SGTA: variants seen among roughly 807,000 people sequenced by gnomAD.
SGTA encodes the protein small glutamine-rich tetratricopeptide repeat-containing protein alpha.
Under a neutral mutation model 44.3 loss-of-function variants are expected in SGTA, and 22 were observed. The observed-to-expected ratio is 0.50, with a 90% CI of 0.36 to 0.71. The LOEUF is 0.71. Among genes scored for constraint, SGTA ranks in the 30% least tolerant of loss-of-function variants. SGTA has a pLI of 0.00. For synonymous variants in SGTA, 174 were observed against 177.6 expected (o/e 0.98, Z 0.16); for missense variants, 341 against 435.9 (o/e 0.78, Z 1.94).
Position 2,765,987 on chromosome 19 carries a change from C to T in SGTA, c.293-702G>A, listed in dbSNP as rs778203254. ...TAATCCCAGCACTTTGGGAGGCCGA[C>T]GCAGGCGGATCGCAAGATCAGGAGA... is the stretch of plus-strand genomic sequence containing the variant. On this transcript the variant is annotated intron_variant, in intron 4 of 11. Transcript: ENST00000221566. The surrounding 1 kb of genome is among the most constrained non-coding windows in gnomAD (Gnocchi z 5.5). 8.5e-5 allele frequency among the ~76,000 whole-genome samples: 13 copies of T among 152,116 alleles called. No individual in the cohort carries two copies. The highest frequency in any genetic ancestry group is 1.3e-4 in the Non-Finnish European group (9 of 68,028).
rs917745190 is a variant in SGTA, at chr19:2,767,066, C to T, written c.292+70G>A. 28 of 1,187,892 alleles carry T rather than the reference C, an allele frequency of 2.4e-5. No homozygotes were observed. Among genetic ancestry groups the T allele is most frequent in the Non-Finnish European group, 3.3e-5 (27 of 813,398 alleles). The allele number at this position is 1,187,892 out of a possible 1,614,324, so 73.6% of individuals were successfully genotyped here. A position where few individuals can be genotyped will look rare whatever the true frequency, so the allele number is the denominator to read the frequency against. ...CTGGGCCCCAGGGACCAGCTGGCCTCTGCGAGGGTCCCACAGCCCCGGAGT... is the reference window on the plus strand; with the variant it reads ...CTGGGCCCCAGGGACCAGCTGGCCTTTGCGAGGGTCCCACAGCCCCGGAGT... On this transcript the variant is annotated intron_variant, in intron 4 of 11. Transcript: ENST00000221566. This position sits in a 1 kb window ranked among gnomAD's most constrained non-coding sequence, Gnocchi z 7.3.
chr19:2,765,280 C>A lies in SGTA; in HGVS notation c.298G>T (p.Glu100Ter). 1 of 1,609,114 alleles carries A rather than the reference C, an allele frequency of 6.2e-7. No homozygotes were observed. Among genetic ancestry groups the A allele is most frequent in the South Asian group, 1.1e-5 (1 of 90,968 alleles). ...TCAAAGTTTTCCACTTTCATCTGCT[C>A]GTTTCCTACAGGGAGAGAGGAAAAC... Reference protein sequence around the residue: ...EAERLKTEGNEQMKVENFEAA... With the variant: ...EAERLKTEGN Residue 100 changes from glutamate to a stop codon, truncating the protein, a stop_gained, in exon 5 of 12, where the codon GAG (glutamate) becomes TAG (stop). Transcript: ENST00000221566. LOFTEE classifies it high-confidence loss of function. This position sits in a 1 kb window ranked among gnomAD's most constrained non-coding sequence, Gnocchi z 5.5.
rs1314595538 is a variant in SGTA at position 2,767,392 on chromosome 19, T to C, written c.208-172A>G. 6.6e-6 allele frequency among the ~76,000 whole-genome samples: 1 copy of C among 152,036 alleles called. No homozygotes were observed. The highest frequency in any genetic ancestry group is 1.5e-5 in the Non-Finnish European group (1 of 67,986). On this transcript the variant is annotated intron_variant, in intron 3 of 11. Transcript: ENST00000221566. The surrounding 1 kb of genome is among the most constrained non-coding windows in gnomAD (Gnocchi z 7.3). Reference sequence around the variant, plus strand: ...GGCCCTGGGCGAGTGACCACAGCGCTATGTGTCTCAGGACCCGCCGATAGG... The same window carrying C: ...GGCCCTGGGCGAGTGACCACAGCGCCATGTGTCTCAGGACCCGCCGATAGG...
chr19:2,758,914 C>T (rs116144337), intron 9 of SGTA, among the ~76,000 whole-genome samples: 1,789 of 152,112 alleles, frequency 0.012, 22 homozygotes, highest in African/African-American at 0.041. Context: ...CCCATTTCTA[C>T]GAAATGTCCA....
At chr19:2,764,580 T>C (rs990241311) in intron 5 of SGTA, among the ~76,000 whole-genome samples, 1 of 151,900 alleles carries the variant, frequency 6.6e-6, no homozygotes, top group Non-Finnish European at 1.5e-5. Flanking sequence ...GTGGTTTTTT[T>C]CGGGGTTTTT....
chr19:2,766,773 T>C (rs1915153870), intron 4 of SGTA, among the ~76,000 whole-genome samples: 2 of 151,896 alleles, frequency 1.3e-5, no homozygotes, highest in African/African-American at 4.8e-5. Context: ...ACAGCTGCTG[T>C]GAACATGTGT....
At chr19:2,768,186 C>G (rs535571887) in intron 2 of SGTA, among the ~76,000 whole-genome samples, 46 of 152,312 alleles carry the variant, frequency 3.0e-4, no homozygotes, top group African/African-American at 1.1e-3. Flanking sequence ...CCTCTCTCTG[C>G]TGGCCCACCT....
Position 2,783,030 on chromosome 19 carries a change from T to C in SGTA, c.-24+203A>G, listed in dbSNP as rs536592977. On this transcript the variant is annotated intron_variant, in intron 1 of 11. Coordinates refer to ENST00000221566, the MANE Select transcript of SGTA (RefSeq NM_003021.4). ...ACCAGCATTTCCAGGACCTGGGGCC[T>C]GGGGAAGGGAGATCAGGGCTCGAAG... Among the ~76,000 whole-genome samples, 6 of 152,342 alleles carry C rather than the reference T, an allele frequency of 3.9e-5. No individual in the cohort carries two copies. The South Asian group carries it at 1.2e-3, about 32-fold the overall frequency.
intron 1 of SGTA, among the ~76,000 whole-genome samples, chr19:2,774,107 A>G (rs1305871510): frequency 1.3e-5 from 2 of 152,214 alleles, no homozygotes; most frequent in Non-Finnish European, 2.9e-5. Context: ...CTGAGAGACG[A>G]TGAACTCTGT....
chr19:2,756,843 A>G (rs893972942), intron 11 of SGTA, among the ~76,000 whole-genome samples: 3 of 152,196 alleles, frequency 2.0e-5, no homozygotes, highest in Admixed American at 2.0e-4. Flanking sequence ...ACACCTGCTC[A>G]CAGTGAGAAA....
At chr19:2,775,584 GCA>G (rs1414634006) in intron 1 of SGTA, among the ~76,000 whole-genome samples, 1 of 152,194 alleles carries the variant, frequency 6.6e-6, no homozygotes, top group Non-Finnish European at 1.5e-5. Flanking sequence ...CAGACCCAAA[GCA>G]CACACAGGGT....
chr19:2,779,801 G>A (rs773111416), intron 1 of SGTA, among the ~76,000 whole-genome samples: 12 of 152,152 alleles, frequency 7.9e-5, no homozygotes, highest in Non-Finnish European at 1.0e-4. Context: ...CGGTCGGGGC[G>A]GTGGCTCACA....
chr19:2,768,823 T>C (rs1915220375), intron 2 of SGTA, 146 bp downstream of exon 2: 1 of 637,810 alleles, frequency 1.6e-6, no homozygotes, highest in East Asian at 2.8e-5. Flanking sequence ...TGTGTGGCCC[T>C]GGGCAGACCC....
intron 8 of SGTA, among the ~76,000 whole-genome samples, chr19:2,760,242 G>C (rs753024987): frequency 1.3e-5 from 2 of 152,098 alleles, no homozygotes; most frequent in Non-Finnish European, 2.9e-5. Context: ...TTATTGGTCA[G>C]GTGTAGTGGC....
intron 8 of SGTA, chr19:2,759,525 G>A (rs1438410278): frequency 7.2e-6 from 4 of 552,096 alleles, no homozygotes; most frequent in Non-Finnish European, 1.3e-5. Flanking sequence ...CCTGCTTCAG[G>A]AGCGATCTCG....
At chr19:2,760,897 A>G (rs1206345478) in intron 8 of SGTA, among the ~76,000 whole-genome samples, 1 of 152,190 alleles carries the variant, frequency 6.6e-6, no homozygotes, top group Non-Finnish European at 1.5e-5. Context: ...GTCCCAGGGC[A>G]CACAGACCTC....
At chr19:2,772,385 ACT>A (rs1459884058) in intron 1 of SGTA, among the ~76,000 whole-genome samples, 2 of 152,164 alleles carry the variant, frequency 1.3e-5, no homozygotes, top group Non-Finnish European at 2.9e-5. Flanking sequence ...CTACAAGGAA[ACT>A]CTGACCCAGC....
Position 2,757,745 on chromosome 19 carries a change from C to A in SGTA, c.775G>T (p.Gly259Ter). 6.2e-7 allele frequency: 1 copy of A among 1,604,626 alleles called. No individual in the cohort carries two copies. Residue 259 changes from glycine to a stop codon, truncating the protein, a stop_gained, in exon 10 of 12, where the codon GGA (glycine) becomes TGA (stop). Coordinates refer to ENST00000221566, the MANE Select transcript of SGTA (RefSeq NM_003021.4). LOFTEE classifies it high-confidence loss of function. Reference protein sequence around the residue: ...GMISGGNNPLGTPGTSPSQND... With the variant: ...GMISGGNNPL ...TGCGAGGGGCTGGTGCCGGGAGTTC[C>A]CAAGGGGTTGTTGCCACCCGAAATC...
In SGTA at chr19:2,761,910, C is replaced by T. The variant is rs146088987; in HGVS notation, c.637-388G>A. 7.7e-3 allele frequency among the ~76,000 whole-genome samples: 1,144 copies of T among 148,968 alleles called. 29 individuals carry two copies. Among genetic ancestry groups the T allele is most frequent in the African/African-American group, 0.027 (1,075 of 39,134 alleles). Reference sequence around the variant, plus strand: ...CCCGTACAGCGCGACCGCCCGGGGACGGCACAGTCTATCATCCCGTGTTGA... The same window carrying T: ...CCCGTACAGCGCGACCGCCCGGGGATGGCACAGTCTATCATCCCGTGTTGA... On this transcript the variant is annotated intron_variant, in intron 7 of 11. Coordinates refer to ENST00000221566, the MANE Select transcript of SGTA (RefSeq NM_003021.4). This position sits in a 1 kb window ranked among gnomAD's most constrained non-coding sequence, Gnocchi z 5.7.
Sources: gnomAD v4.1 joint callset for allele counts (sites outside exome capture counted in the v4.1 genomes callset) on GRCh38, gnomAD v4.1.1 for gene constraint, Gnocchi (gnomAD v3.1) non-coding constraint, MANE v1.5 for transcripts, NCBI Gene and HGNC (gene_info 2026-07-23, HGNC 2026-07-21) for gene names.